The following DMD variants were observed in gnomAD, a reference collection of about 807,000 sequenced individuals.
The protein encoded by DMD is mutant dystrophin.
A neutral mutation model predicts 330.1 loss-of-function variants in DMD; 63 were observed. The ratio of observed to expected loss-of-function variants is 0.19; its 90% CI spans 0.16 to 0.24. DMD has a LOEUF of 0.24. Among genes scored for constraint, DMD ranks in the 10% least tolerant of loss-of-function variants. DMD has a pLI of 1.00. For synonymous variants in DMD, 1,223 were observed against 959.8 expected, an observed-to-expected ratio of 1.27 and a Z score of -5.07; for missense variants, 3,344 against 2,684.1, an observed-to-expected ratio of 1.25 and a Z score of -5.43.
intron 7 of DMD, among the ~76,000 whole-genome samples, chrX:32,781,096 C>T (rs966666496): frequency 1.0e-5 from 1 of 98,176 alleles, no homozygotes; most frequent in African/African-American, 3.9e-5. Flanking sequence ...CCAGCCTGGG[C>T]GACGGAGCGA....
At chrX:31,934,382 C>T (rs778838015) in intron 45 of DMD, among the ~76,000 whole-genome samples, 17 of 111,880 alleles carry the variant, frequency 1.5e-4, no homozygotes, top group Non-Finnish European at 2.4e-4. Flanking sequence ...TTCTGGGACA[C>T]GTAAAGTTAC....
intron 7 of DMD, among the ~76,000 whole-genome samples, chrX:32,752,787 C>T (rs1313972135): frequency 9.1e-6 from 1 of 109,422 alleles, no homozygotes; most frequent in Admixed American, 9.9e-5. Context: ...CTTTCCCATG[C>T]TGTTCTTGTG....
At chrX:33,060,112 G>A (rs1009127462) in intron 1 of DMD, among the ~76,000 whole-genome samples, 1 of 111,409 alleles carries the variant, frequency 9.0e-6, no homozygotes, top group African/African-American at 3.3e-5. Flanking sequence ...ATAGGTATAG[G>A]GACCGTGAAA....
intron 2 of DMD, among the ~76,000 whole-genome samples, chrX:32,872,277 T>G (rs1454149006): frequency 8.9e-6 from 1 of 112,025 alleles, no homozygotes; most frequent in Non-Finnish European, 1.9e-5. Flanking sequence ...CCTGCTAAGC[T>G]GCAATGACTT....
chrX:31,628,669 G>A (rs1023977029), intron 54 of DMD, among the ~76,000 whole-genome samples: 3 of 110,164 alleles, frequency 2.7e-5, no homozygotes, highest in African/African-American at 6.6e-5. Context: ...TACCACTTAC[G>A]TGATATGGCA....
chrX:33,202,641 T>C (rs1324526077), intron 1 of DMD, among the ~76,000 whole-genome samples: 1 of 112,012 alleles, frequency 8.9e-6, no homozygotes, highest in Non-Finnish European at 1.9e-5. Context: ...CTTCTTGCAA[T>C]CATTCTCTAA....
intron 11 of DMD, among the ~76,000 whole-genome samples, chrX:32,635,413 T>G (rs1180259645): frequency 1.8e-5 from 2 of 111,661 alleles, no homozygotes; most frequent in Non-Finnish European, 3.8e-5. Context: ...AGGCTTCTGT[T>G]TGGCGATTTT....
At chrX:32,464,141 C>G (rs746519926) in intron 24 of DMD, among the ~76,000 whole-genome samples, 1 of 111,718 alleles carries the variant, frequency 9.0e-6, no homozygotes, top group African/African-American at 3.3e-5. Flanking sequence ...GAGAACAACA[C>G]AGTATGAATA....
chrX:32,412,151 A>G lies in DMD; in HGVS notation c.4072-238T>C, dbSNP rs746215231. The G allele has an allele frequency of 1.7e-5, 19 of 1,134,817 alleles. No individual in the cohort carries two copies. In the Admixed American group the frequency reaches 2.6e-4, roughly 16 times the overall value. 93.5% of individuals were successfully genotyped at this position (1,134,817 alleles called of 1,213,427 possible). ...GATCTCTGCATGAAAATCAATCACA[A>G]TATCACGTACATTAAGGAAATAGGC... On this transcript the variant is annotated intron_variant, in intron 29 of 78. Coordinates refer to ENST00000357033, the MANE Select transcript of DMD (RefSeq NM_004006.3).
intron 60 of DMD, among the ~76,000 whole-genome samples, chrX:31,350,632 T>TGAGAGA (rs372820688): frequency 1.0e-4 from 7 of 66,686 alleles, no homozygotes; most frequent in South Asian, 1.0e-3. Flanking sequence ...TGTGTGTGTG[T>TGAGAGA]GAGAGAGAGA....
intron 8 of DMD, among the ~76,000 whole-genome samples, chrX:32,698,356 A>T (rs763817772): frequency 9.0e-6 from 1 of 111,671 alleles, no homozygotes; most frequent in Non-Finnish European, 1.9e-5. Context: ...AACAGAATTC[A>T]TCAGGTCCAT....
chrX:31,425,893 T>A (rs2063691312), intron 60 of DMD, among the ~76,000 whole-genome samples: 1 of 111,847 alleles, frequency 8.9e-6, no homozygotes, highest in Admixed American at 9.5e-5. Flanking sequence ...CAGCTCTAGG[T>A]CTGATGGTCT....
chrX:32,028,236 GA>G (rs761858698), intron 44 of DMD, among the ~76,000 whole-genome samples: 1 of 111,658 alleles, frequency 9.0e-6, no homozygotes, highest in African/African-American at 3.3e-5. Flanking sequence ...AGCAAAAGAA[GA>G]ACCCCGCTCG....
chrX:31,846,284 C>T, intron 48 of DMD, among the ~76,000 whole-genome samples: 1 of 110,775 alleles, frequency 9.0e-6, no homozygotes, highest in Non-Finnish European at 1.9e-5. Flanking sequence ...CGTGGTCCCC[C>T]AAATTTACTA....
At chrX:32,117,449 G>A (rs1166007251) in intron 44 of DMD, among the ~76,000 whole-genome samples, 5 of 112,060 alleles carry the variant, frequency 4.5e-5, no homozygotes, top group African/African-American at 1.6e-4. Flanking sequence ...CTCTTAGAAG[G>A]ACAAGCCTCC....
At chrX:32,569,147 C>T (rs1000827115) in intron 15 of DMD, among the ~76,000 whole-genome samples, 2 of 111,100 alleles carry the variant, frequency 1.8e-5, no homozygotes, top group Non-Finnish European at 3.8e-5. Flanking sequence ...AAGGTACAGT[C>T]AATAAATCAG....
At chrX:32,444,314 A>C (rs2098294681) in intron 27 of DMD, among the ~76,000 whole-genome samples, 1 of 110,456 alleles carries the variant, frequency 9.1e-6, no homozygotes, top group Non-Finnish European at 1.9e-5. Flanking sequence ...CAGAGCATAA[A>C]ATCTCTACAA....
Position 31,951,129 on chromosome X carries a change from ATATATATATATGTG to A in DMD, c.6614+17196_6614+17209del, listed in dbSNP as rs1299644545. Among the ~76,000 whole-genome samples, 206 of 79,688 alleles carry A rather than the reference ATATATATATATGTG, an allele frequency of 2.6e-3. 2 individuals are homozygous for A. The highest frequency in any genetic ancestry group is 0.011 in the African/African-American group (200 of 18,444). The allele number at this position is 79,688 out of a possible 115,157, so 69.2% of individuals were successfully genotyped here. A position where few individuals can be genotyped will look rare whatever the true frequency, so the allele number is the denominator to read the frequency against. On this transcript the variant is annotated intron_variant, in intron 45 of 78. Transcript: ENST00000357033. Reference sequence around the variant, plus strand: ...ACACATACTATATATATACATATATATATATATATATGTGTATATATATATATATGTATATATAT... The same window carrying A: ...ACACATACTATATATATACATATATATATATATATATATATGTATATATAT...
intron 11 of DMD, among the ~76,000 whole-genome samples, chrX:32,633,278 T>C (rs1240001958): frequency 9.0e-6 from 1 of 111,677 alleles, no homozygotes; most frequent in East Asian, 2.8e-4. Context: ...GTTCAAACTT[T>C]CACAGATATC....
Sources: allele counts gnomAD v4.1 joint callset (sites outside exome capture counted in the v4.1 genomes callset), GRCh38; gene constraint gnomAD v4.1.1; transcripts MANE v1.5; gene names NCBI Gene and HGNC (gene_info 2026-07-23, HGNC 2026-07-21).